The following CSMD3 variants were observed in gnomAD, a reference collection of about 807,000 sequenced individuals.
The protein encoded by CSMD3 is CUB and sushi domain-containing protein 3.
CSMD3 carries 177 observed loss-of-function variants against 435.2 expected under a neutral mutation model. The ratio of observed to expected loss-of-function variants is 0.41; its 90% CI spans 0.36 to 0.46. The LOEUF is 0.46. CSMD3 is among the 20% of genes least tolerant of loss of function. The probability of loss-of-function intolerance (pLI) is 0.34; values close to 1 mark genes in which losing one functional copy is unlikely to be tolerated. For missense variants in CSMD3, 4,265 were observed against 4,504.6 expected (o/e 0.95, Z 1.52); for synonymous variants, 1,656 against 1,520.5 (o/e 1.09, Z -2.07).
At chr8:112,253,421 TA>T (rs2130245000) in intron 63 of CSMD3, among the ~76,000 whole-genome samples, 1 of 152,108 alleles carries the variant, frequency 6.6e-6, no homozygotes, top group South Asian at 2.1e-4. Flanking sequence ...GAACTGTAGA[TA>T]AATGGAAACT....
chr8:113,087,715 G>A (rs916024617), intron 5 of CSMD3, among the ~76,000 whole-genome samples: 3 of 152,018 alleles, frequency 2.0e-5, no homozygotes, highest in Non-Finnish European at 4.4e-5. Flanking sequence ...ATTCAAGATG[G>A]ATTAAAGACT....
chr8:112,692,913 ATATCTATCTATC>A (rs6150766), intron 13 of CSMD3, among the ~76,000 whole-genome samples: 11,724 of 144,510 alleles, frequency 0.081, 536 homozygotes, highest in Middle Eastern at 0.13. Flanking sequence ...ATTAATCTTT[ATATCTATCTATC>A]TATCTATCTA....
intron 22 of CSMD3, among the ~76,000 whole-genome samples, chr8:112,610,868 C>A (rs932876154): frequency 6.6e-6 from 1 of 152,032 alleles, no homozygotes; most frequent in Non-Finnish European, 1.5e-5. Context: ...TTCTCTTTGG[C>A]CAATGTATTA....
At chr8:113,185,373 A>C (rs1188700637) in intron 3 of CSMD3, among the ~76,000 whole-genome samples, 1 of 152,086 alleles carries the variant, frequency 6.6e-6, no homozygotes, top group Non-Finnish European at 1.5e-5. Context: ...TAATCATTAT[A>C]CTGGCTTACT....
chr8:113,124,760 C>T (rs1285241602), intron 4 of CSMD3, among the ~76,000 whole-genome samples: 1 of 151,892 alleles, frequency 6.6e-6, no homozygotes, highest in Non-Finnish European at 1.5e-5. Context: ...TAAAAAGAGA[C>T]TTTGTTGTGT....
chr8:112,494,436 TTTG>T (rs1335575397), intron 30 of CSMD3, among the ~76,000 whole-genome samples: 14 of 151,514 alleles, frequency 9.2e-5, no homozygotes, highest in African/African-American at 2.6e-4. Context: ...TCTTTCTTTC[TTTG>T]TTTTCTTTTG....
intron 6 of CSMD3, among the ~76,000 whole-genome samples, chr8:112,990,927 G>A (rs1402023752): frequency 1.3e-5 from 2 of 151,432 alleles, no homozygotes; most frequent in Admixed American, 6.6e-5. Context: ...TTCTTTCTGT[G>A]GATAGAAAAC....
chr8:112,973,789 T>C (rs2084747173), intron 7 of CSMD3, among the ~76,000 whole-genome samples: 1 of 151,772 alleles, frequency 6.6e-6, no homozygotes, highest in Non-Finnish European at 1.5e-5. Context: ...AATAGATAAG[T>C]AGCAAACCAA....
chr8:112,911,829 T>C (rs934112639), intron 10 of CSMD3, among the ~76,000 whole-genome samples: 3 of 147,718 alleles, frequency 2.0e-5, no homozygotes, highest in Non-Finnish European at 4.5e-5. Context: ...ATATAACATA[T>C]ATACATTATA....
chr8:112,270,339 GGTGAGTGTGT>G (rs1490093999), intron 59 of CSMD3, among the ~76,000 whole-genome samples: 1 of 96,268 alleles, frequency 1.0e-5, no homozygotes, highest in Non-Finnish European at 2.3e-5. Flanking sequence ...AAAACAGAGG[GGTGAGTGTGT>G]GTGTGTGTGT....
chr8:113,248,732 T>C (rs1175498591), intron 3 of CSMD3, among the ~76,000 whole-genome samples: 1 of 151,520 alleles, frequency 6.6e-6, no homozygotes, highest in East Asian at 2.0e-4. Context: ...ACACGTATAA[T>C]ACACATTCAA....
chr8:112,593,847 C>T (rs1337898190), intron 22 of CSMD3, among the ~76,000 whole-genome samples: 1 of 152,024 alleles, frequency 6.6e-6, no homozygotes, highest in Non-Finnish European at 1.5e-5. Context: ...AAGAAAGGAA[C>T]TATAATATTG....
At chr8:112,780,594 G>C (rs1262979805) in intron 13 of CSMD3, among the ~76,000 whole-genome samples, 1 of 152,038 alleles carries the variant, frequency 6.6e-6, no homozygotes, top group Admixed American at 6.6e-5. Flanking sequence ...GCCTTGCACT[G>C]CCTACACCAC....
intron 5 of CSMD3, among the ~76,000 whole-genome samples, chr8:113,058,588 T>G (rs973084671): frequency 7.9e-5 from 12 of 151,958 alleles, no homozygotes; most frequent in Non-Finnish European, 1.5e-4. Flanking sequence ...ATTAGAAACA[T>G]TCATAATAAA....
At chr8:113,163,993 ATATTTCATTGTCCAG>A (rs1373552480) in intron 4 of CSMD3, among the ~76,000 whole-genome samples, 1 of 152,044 alleles carries the variant, frequency 6.6e-6, no homozygotes, top group Non-Finnish European at 1.5e-5. Flanking sequence ...AGCTAAAGAA[ATATTTCATTGTCCAG>A]TAAGTTTGGT....
chr8:112,232,036 G>C (rs1263260068), intron 68 of CSMD3, among the ~76,000 whole-genome samples: 1 of 152,018 alleles, frequency 6.6e-6, no homozygotes, highest in Non-Finnish European at 1.5e-5. Flanking sequence ...CATTTAGTTG[G>C]GCTTGGTCCT....
chr8:112,988,131 A>G (rs1000046123), intron 6 of CSMD3, among the ~76,000 whole-genome samples: 2 of 152,048 alleles, frequency 1.3e-5, no homozygotes, highest in Non-Finnish European at 2.9e-5. Flanking sequence ...CTTTCTCCCC[A>G]TAGTCTAGTC....
At chr8:113,224,182 ATT>A (rs1438545660) in intron 3 of CSMD3, among the ~76,000 whole-genome samples, 2 of 151,156 alleles carry the variant, frequency 1.3e-5, no homozygotes, top group Non-Finnish European at 3.0e-5. Flanking sequence ...TGTGCTTAAT[ATT>A]GTTTTAGGTT....
chr8:112,476,509 T>G (rs146571108), intron 31 of CSMD3, among the ~76,000 whole-genome samples: 40 of 152,236 alleles, frequency 2.6e-4, no homozygotes, highest in Non-Finnish European at 4.6e-4. Context: ...CATGAAAAAT[T>G]TTTTTACATG....
Sources: allele counts gnomAD v4.1 joint callset (sites outside exome capture counted in the v4.1 genomes callset), GRCh38; gene constraint gnomAD v4.1.1; transcripts MANE v1.5; gene names NCBI Gene and HGNC (gene_info 2026-07-23, HGNC 2026-07-21).